The following PTPRO variants were observed in gnomAD, a reference collection of about 807,000 sequenced individuals.
PTPRO encodes the protein receptor-type tyrosine-protein phosphatase O.
A neutral mutation model predicts 145.2 loss-of-function variants in PTPRO; 62 were observed. That is an observed-to-expected ratio of 0.43 (90% CI 0.35 to 0.53). The LOEUF (loss-of-function observed/expected upper bound fraction) is 0.53, where lower values mean the gene tolerates loss of function less well. PTPRO is among the 20% of genes least tolerant of loss of function. The pLI is 0.01. For missense variants in PTPRO, 1,345 were observed against 1,482.7 expected, an observed-to-expected ratio of 0.91 and a Z score of 1.53; for synonymous variants, 565 against 514.7, an observed-to-expected ratio of 1.10 and a Z score of -1.32.
At chr12:15,474,085 T>G (rs1269604343) in intron 1 of PTPRO, among the ~76,000 whole-genome samples, 1 of 152,192 alleles carries the variant, frequency 6.6e-6, no homozygotes, top group Non-Finnish European at 1.5e-5. Context: ...CTGGGTAAAA[T>G]GGAGATAATA....
At chr12:15,499,418 A>C in intron 3 of PTPRO, 24 bp from the exon 4 acceptor site, 1 of 1,605,782 alleles carries the variant, frequency 6.2e-7, no homozygotes. Flanking sequence ...CATATTTTTC[A>C]TGTAATTGAT....
intron 24 of PTPRO, 199 bp downstream of exon 24, chr12:15,587,250 T>C: frequency 3.2e-6 from 2 of 627,118 alleles, no homozygotes; most frequent in South Asian, 4.1e-5. Flanking sequence ...ATAAAATAGA[T>C]GTTATTATTC....
chr12:15,434,849 A>C (rs530242644), intron 1 of PTPRO, among the ~76,000 whole-genome samples: 1 of 152,350 alleles, frequency 6.6e-6, no homozygotes, highest in Non-Finnish European at 1.5e-5. Context: ...ATATGCAATA[A>C]TAGGAGTTTG....
At chr12:15,388,280 T>C (rs1348590302) in intron 1 of PTPRO, among the ~76,000 whole-genome samples, 2 of 152,154 alleles carry the variant, frequency 1.3e-5, no homozygotes, top group Admixed American at 6.5e-5. Flanking sequence ...GGAAAAAATG[T>C]AAATTGCAGA....
Position 15,508,687 on chromosome 12 carries a change from AG to A in PTPRO, c.1385del (p.Ser462ThrfsTer9). On this transcript the variant is annotated frameshift_variant, in exon 7 of 27. Transcript: ENST00000281171. LOFTEE classifies it high-confidence loss of function. ...SWTSSQENYN[S>X]TIVSVVSLTC... ...GACATCTTCCCAAGAGAACTACAAC[AG>A]CACCATTGTGTCTGTGGTGTCGCTG... 6.2e-7 allele frequency: 1 copy of A among 1,614,156 alleles called. No homozygotes were observed. The highest frequency in any genetic ancestry group is 8.5e-7 in the Non-Finnish European group (1 of 1,180,010).
At chr12:15,337,670 G>C (rs1170165092) in intron 1 of PTPRO, among the ~76,000 whole-genome samples, 5 of 152,118 alleles carry the variant, frequency 3.3e-5, no homozygotes, top group African/African-American at 1.2e-4. Flanking sequence ...TAACCAAAAT[G>C]TCCTTCAACA....
Position 15,560,288 on chromosome 12 carries a change from T to G in PTPRO, c.2711+12T>G. The G allele has an allele frequency of 6.5e-7, 1 of 1,527,326 alleles. No homozygotes were observed. Among genetic ancestry groups the G allele is most frequent in the Non-Finnish European group, 9.1e-7 (1 of 1,102,674 alleles). The allele number at this position is 1,527,326 out of a possible 1,614,324, so 94.6% of individuals were successfully genotyped here. A position where few individuals can be genotyped will look rare whatever the true frequency, so the allele number is the denominator to read the frequency against. On this transcript the variant is annotated intron_variant, in intron 17 of 26. Coordinates refer to ENST00000281171, the MANE Select transcript of PTPRO (RefSeq NM_030667.3). The stretch of plus-strand genomic sequence containing the variant: ...TATATTAATCCTTGGTAAGTGATTT[T>G]TTTTTACTGTTTAACACAAACTCTT...
intron 12 of PTPRO, among the ~76,000 whole-genome samples, chr12:15,537,955 A>G (rs1339554114): frequency 6.6e-6 from 1 of 152,104 alleles, no homozygotes; most frequent in Non-Finnish European, 1.5e-5. Context: ...GTTTCTTCTG[A>G]TTGACTTCTT....
intron 1 of PTPRO, among the ~76,000 whole-genome samples, chr12:15,367,421 C>A (rs57155182): frequency 0.016 from 2,424 of 152,258 alleles, 69 homozygotes; most frequent in African/African-American, 0.055. Context: ...AAAATAGAAT[C>A]TTGAGAAGAA....
At chr12:15,456,577 G>A (rs1404735138) in intron 1 of PTPRO, among the ~76,000 whole-genome samples, 1 of 152,078 alleles carries the variant, frequency 6.6e-6, no homozygotes, top group Admixed American at 6.6e-5. Context: ...TTAAATGTTT[G>A]GTAGGAGTCA....
At chr12:15,490,602 A>G (rs553112961) in intron 2 of PTPRO, among the ~76,000 whole-genome samples, 1 of 152,328 alleles carries the variant, frequency 6.6e-6, no homozygotes, top group Non-Finnish European at 1.5e-5. Context: ...TGTGGACTGT[A>G]GTTTGCTCAC....
chr12:15,393,481 C>A (rs1001672776), intron 1 of PTPRO, among the ~76,000 whole-genome samples: 1 of 152,178 alleles, frequency 6.6e-6, no homozygotes, highest in African/African-American at 2.4e-5. Flanking sequence ...TCGATAATAT[C>A]CAGCTCAGTC....
intron 9 of PTPRO, 114 bp from the exon 10 acceptor site, chr12:15,520,087 A>G (rs1942682972): frequency 7.3e-6 from 5 of 686,948 alleles, no homozygotes; most frequent in South Asian, 1.6e-5. Flanking sequence ...ACACAAAAAG[A>G]CAATATAAAG....
At chr12:15,577,133 GA>G (rs1478462386) in intron 19 of PTPRO, among the ~76,000 whole-genome samples, 2 of 152,170 alleles carry the variant, frequency 1.3e-5, no homozygotes, top group African/African-American at 4.8e-5. Context: ...GCCTGAGATG[GA>G]AAAAACCAAT....
At chr12:15,347,780 T>C (rs568107450) in intron 1 of PTPRO, among the ~76,000 whole-genome samples, 1 of 152,360 alleles carries the variant, frequency 6.6e-6, no homozygotes, top group African/African-American at 2.4e-5. Flanking sequence ...AGAAAATTCA[T>C]CTGGTCTATT....
At chr12:15,509,565 C>G (rs1238075767) in intron 7 of PTPRO, among the ~76,000 whole-genome samples, 1 of 151,550 alleles carries the variant, frequency 6.6e-6, no homozygotes, top group Non-Finnish European at 1.5e-5. Context: ...GGCGTGGTGG[C>G]ACGTGCCTGT....
At chr12:15,427,236 A>G (rs909576580) in intron 1 of PTPRO, among the ~76,000 whole-genome samples, 4 of 151,944 alleles carry the variant, frequency 2.6e-5, no homozygotes, top group African/African-American at 9.7e-5. Context: ...TCTATTCCCT[A>G]TGTCTCATAA....
At chr12:15,354,883 C>G (rs1428095021) in intron 1 of PTPRO, among the ~76,000 whole-genome samples, 1 of 152,152 alleles carries the variant, frequency 6.6e-6, no homozygotes, top group Non-Finnish European at 1.5e-5. Context: ...TGTCAGTGCA[C>G]TGTTGTATAT....
At chr12:15,595,275 A>C (rs1199992257) in intron 26 of PTPRO, 7 of 522,314 alleles carry the variant, frequency 1.3e-5, no homozygotes, top group Admixed American at 2.9e-5. Context: ...GTTGGCAACA[A>C]ACAGGAGCTT....
Sources: gnomAD v4.1 joint callset for allele counts (sites outside exome capture counted in the v4.1 genomes callset) on GRCh38, gnomAD v4.1.1 for gene constraint, MANE v1.5 for transcripts, NCBI Gene and HGNC (gene_info 2026-07-23, HGNC 2026-07-21) for gene names.